Variants in VWC2 observed in about 807,000 individuals in gnomAD.
The protein encoded by VWC2 is von Willebrand factor C domain containing 2, also known as brorin.
In VWC2, 14 loss-of-function variants were observed where a neutral mutation model predicts 29.8. That is an observed-to-expected ratio of 0.47 (90% CI 0.31 to 0.74). The LOEUF (loss-of-function observed/expected upper bound fraction) is 0.74. Ranked by LOEUF, VWC2 falls within the 30% of genes least tolerant of loss-of-function variation. The pLI is 0.05. For synonymous variants in VWC2, 213 were observed against 199.0 expected, an observed-to-expected ratio of 1.07 and a Z score of -0.59; for missense variants, 457 against 459.8, an observed-to-expected ratio of 0.99 and a Z score of 0.05.
Position 49,911,912 on chromosome 7 carries a change from A to AATACACGCACAC in VWC2, c.827-121_827-120insTACACGCACACA, listed in dbSNP as rs1487250052. 3 of 379,750 alleles carry AATACACGCACAC rather than the reference A, an allele frequency of 7.9e-6. No homozygotes were observed. The African/African-American group carries it at 1.4e-4, about 18-fold the overall frequency. The allele number at this position is 379,750 out of a possible 1,614,324, so 23.5% of individuals were successfully genotyped here. A position where few individuals can be genotyped will look rare whatever the true frequency, so the allele number is the denominator to read the frequency against. Reference sequence around the variant, plus strand: ...ACTCTGTCTCAAAAACAAACAAACAAACAAATACACGCACACACACACACA... The same window carrying AATACACGCACAC: ...ACTCTGTCTCAAAAACAAACAAACAAATACACGCACACACAAATACACGCACACACACACACA... On this transcript the variant is annotated intron_variant, in intron 3 of 3. Coordinates refer to ENST00000340652, the MANE Select transcript of VWC2 (RefSeq NM_198570.5).
chr7:49,847,672 G>A (rs185832226), intron 3 of VWC2, among the ~76,000 whole-genome samples: 37 of 152,344 alleles, frequency 2.4e-4, no homozygotes, highest in African/African-American at 8.2e-4. Context: ...AGTAAAATAT[G>A]AGCAAAAGCC....
At chr7:49,832,328 T>A (rs1015925576) in intron 3 of VWC2, among the ~76,000 whole-genome samples, 1 of 152,144 alleles carries the variant, frequency 6.6e-6, no homozygotes. Flanking sequence ...GAATTGAGCA[T>A]CACCTCATTC....
intron 3 of VWC2, among the ~76,000 whole-genome samples, chr7:49,824,421 T>G (rs1789345592): frequency 6.6e-6 from 1 of 152,216 alleles, no homozygotes; most frequent in South Asian, 2.1e-4. Context: ...CATTTATTCT[T>G]TTCCATTCAT....
rs375734078 is a variant in VWC2, at chr7:49,851,421, G to C, written c.826+48581G>C. 1.6e-3 allele frequency among the ~76,000 whole-genome samples: 236 copies of C among 152,220 alleles called. 3 individuals are homozygous for C. The highest frequency in any genetic ancestry group is 5.4e-3 in the African/African-American group (226 of 41,536). ...CACCAGAGCCTGGCTCATAGCAGAC[G>C]GGCACTTAAGGATGTCTGCCCACAG... On this transcript the variant is annotated intron_variant, in intron 3 of 3. Coordinates refer to ENST00000340652, the MANE Select transcript of VWC2 (RefSeq NM_198570.5).
At position 49,912,946 on chromosome 7, in the gene VWC2, G is replaced by C. The variant is rs533454383; in HGVS notation, c.*761G>C. 6.6e-6 allele frequency: 1 copy of C among 152,148 alleles called. No homozygotes were observed. The highest frequency in any genetic ancestry group is 6.5e-5 in the Admixed American group (1 of 15,290). 9.4% of individuals were successfully genotyped at this position (152,148 alleles called of 1,614,324 possible). ...AACTTTAATTCATTCCCTAAACTGA[G>C]GAATAAAGTAGGCTGGAAAATTTGC... On this transcript the variant is annotated 3_prime_UTR_variant, in exon 4 of 4. Coordinates refer to ENST00000340652, the MANE Select transcript of VWC2 (RefSeq NM_198570.5).
chr7:49,875,252 C>T (rs916073474), intron 3 of VWC2, among the ~76,000 whole-genome samples: 6 of 150,566 alleles, frequency 4.0e-5, no homozygotes, highest in Admixed American at 6.7e-5. Context: ...CGCCTTTAGT[C>T]CCAGCTACTC....
chr7:49,829,884 CTT>C (rs1789486140), intron 3 of VWC2, among the ~76,000 whole-genome samples: 1 of 152,322 alleles, frequency 6.6e-6, no homozygotes, highest in South Asian at 2.1e-4. Context: ...TCTGGAGACT[CTT>C]TATCTGCTAC....
intron 2 of VWC2, among the ~76,000 whole-genome samples, chr7:49,779,879 C>T (rs1788137327): frequency 6.6e-6 from 1 of 152,204 alleles, no homozygotes; most frequent in African/African-American, 2.4e-5. Context: ...CTGCATCTGT[C>T]TGTGTCCACA....
At chr7:49,858,826 A>G (rs1790534448) in intron 3 of VWC2, among the ~76,000 whole-genome samples, 1 of 152,210 alleles carries the variant, frequency 6.6e-6, no homozygotes, top group East Asian at 1.9e-4. Flanking sequence ...ATGTTTATAA[A>G]ATTCATACAG....
At chr7:49,898,309 C>G (rs533038395) in intron 3 of VWC2, among the ~76,000 whole-genome samples, 1 of 150,440 alleles carries the variant, frequency 6.6e-6, no homozygotes, top group Non-Finnish European at 1.5e-5. Flanking sequence ...AAGAAAACAT[C>G]GAAGTTTTTT....
chr7:49,789,947 G>A (rs907664079), intron 2 of VWC2, among the ~76,000 whole-genome samples: 2 of 152,218 alleles, frequency 1.3e-5, no homozygotes, highest in Non-Finnish European at 2.9e-5. Flanking sequence ...TTGCAGAGGC[G>A]GGGGTGCAGG....
intron 3 of VWC2, among the ~76,000 whole-genome samples, chr7:49,901,704 G>A (rs1792737562): frequency 6.6e-6 from 1 of 151,838 alleles, no homozygotes; most frequent in African/African-American, 2.4e-5. Context: ...TGTTTTATCT[G>A]GAGGGGCAAA....
At chr7:49,866,776 G>A (rs888784726) in intron 3 of VWC2, among the ~76,000 whole-genome samples, 4 of 152,210 alleles carry the variant, frequency 2.6e-5, no homozygotes, top group South Asian at 2.1e-4. Context: ...TACACAAAGC[G>A]CAGCTTCCCT....
At chr7:49,842,936 C>T (rs774806445) in intron 3 of VWC2, among the ~76,000 whole-genome samples, 1 of 152,052 alleles carries the variant, frequency 6.6e-6, no homozygotes, top group Non-Finnish European at 1.5e-5. Flanking sequence ...AATACATGTG[C>T]AGGTTTGATA....
At chr7:49,796,628 G>A (rs1325983066) in intron 2 of VWC2, among the ~76,000 whole-genome samples, 1 of 152,204 alleles carries the variant, frequency 6.6e-6, no homozygotes, top group Non-Finnish European at 1.5e-5. Flanking sequence ...AGGAGGTAGT[G>A]TCTGAAAAAT....
intron 2 of VWC2, among the ~76,000 whole-genome samples, chr7:49,777,722 A>C (rs929140752): frequency 6.6e-6 from 1 of 152,264 alleles, no homozygotes; most frequent in East Asian, 1.9e-4. Flanking sequence ...CTTCCTGCCT[A>C]CGGGAGGGTC....
rs368310857 is a variant in VWC2, at chr7:49,884,037, ACTC to A, written c.827-27995_827-27993del. On this transcript the variant is annotated intron_variant, in intron 3 of 3. Transcript: ENST00000340652. ...GTGGGGCCAGCCAAGGTAGGAGGCA[ACTC>A]CCAGGACCTTGGGGCATCACACACT... is the stretch of plus-strand genomic sequence containing the variant. Among the ~76,000 whole-genome samples the A allele has an allele frequency of 3.2e-3, 485 of 152,230 alleles. 6 individuals carry two copies. Among genetic ancestry groups the A allele is most frequent in the African/African-American group, 0.011 (452 of 41,546 alleles).
At chr7:49,821,359 C>A (rs2128709514) in intron 3 of VWC2, among the ~76,000 whole-genome samples, 1 of 152,276 alleles carries the variant, frequency 6.6e-6, no homozygotes. Flanking sequence ...GATCTCAAGA[C>A]AATGATGTAA....
intron 2 of VWC2, among the ~76,000 whole-genome samples, chr7:49,790,804 G>A (rs1415521295): frequency 6.6e-6 from 1 of 151,892 alleles, no homozygotes; most frequent in Non-Finnish European, 1.5e-5. Context: ...GTGCTAGTTT[G>A]ATAAGACAGT....
Sources: allele counts gnomAD v4.1 joint callset (sites outside exome capture counted in the v4.1 genomes callset), GRCh38; gene constraint gnomAD v4.1.1; transcripts MANE v1.5; gene names NCBI Gene and HGNC (gene_info 2026-07-23, HGNC 2026-07-21).